Variants in LAMP3 observed in about 807,000 individuals in gnomAD.
The protein encoded by LAMP3 is lysosome-associated membrane glycoprotein 3.
A neutral mutation model predicts 34.8 loss-of-function variants in LAMP3; 26 were observed. That is an observed-to-expected ratio of 0.75 (90% CI 0.55 to 1.04). The LOEUF is 1.04. LAMP3 is among the 50% of genes least tolerant of loss of function. The pLI is 0.00. For missense variants in LAMP3, 495 were observed against 524.0 expected (o/e 0.94, Z 0.54); for synonymous variants, 180 against 201.9 (o/e 0.89, Z 0.92).
intron 5 of LAMP3, among the ~76,000 whole-genome samples, chr3:183,130,489 T>G (rs1323623018): frequency 6.6e-6 from 1 of 152,178 alleles, no homozygotes; most frequent in African/African-American, 2.4e-5. Flanking sequence ...TTTCAAACTA[T>G]TCTTATTTTG....
intron 3 of LAMP3, among the ~76,000 whole-genome samples, chr3:183,146,685 G>A (rs191853345): frequency 9.9e-5 from 15 of 151,818 alleles, no homozygotes; most frequent in Admixed American, 6.6e-4. Flanking sequence ...GCGCCACCAC[G>A]TCCAGCTAAT....
At chr3:183,135,420 G>A (rs557047515) in intron 5 of LAMP3, among the ~76,000 whole-genome samples, 1 of 152,336 alleles carries the variant, frequency 6.6e-6, no homozygotes, top group East Asian at 1.9e-4. Flanking sequence ...GACATAAAGG[G>A]AAGTCGCAGG....
chr3:183,145,789 A>G (rs1014810268), intron 3 of LAMP3, among the ~76,000 whole-genome samples: 1 of 152,182 alleles, frequency 6.6e-6, no homozygotes, highest in African/African-American at 2.4e-5. Context: ...CCCAGGAGGC[A>G]GAGTTTGCAG....
intron 5 of LAMP3, among the ~76,000 whole-genome samples, chr3:183,130,606 T>C (rs1373789331): frequency 2.0e-5 from 3 of 152,224 alleles, no homozygotes; most frequent in Non-Finnish European, 2.9e-5. Context: ...GGGTGAATTA[T>C]GGTCTTTCTT....
chr3:183,146,850 G>C (rs1332535793), intron 3 of LAMP3, among the ~76,000 whole-genome samples: 1 of 150,850 alleles, frequency 6.6e-6, no homozygotes. Flanking sequence ...AAAATGTGTT[G>C]CCAACATTAA....
intron 3 of LAMP3, among the ~76,000 whole-genome samples, chr3:183,142,275 G>A (rs530491536): frequency 1.3e-5 from 2 of 152,164 alleles, no homozygotes; most frequent in South Asian, 4.2e-4. Flanking sequence ...TTTTAAGCAG[G>A]GCAGTGACAT....
chr3:183,161,873 G>T (rs1417239838), intron 1 of LAMP3: 3 of 659,502 alleles, frequency 4.5e-6, no homozygotes, highest in East Asian at 1.4e-4. Flanking sequence ...AAAGTGTGGC[G>T]CAGGGGAGAA....
At chr3:183,148,868 T>C (rs539656485) in intron 3 of LAMP3, among the ~76,000 whole-genome samples, 3 of 152,174 alleles carry the variant, frequency 2.0e-5, no homozygotes, top group Non-Finnish European at 4.4e-5. Context: ...AGAAAATCAG[T>C]ATATCGAAGC....
At chr3:183,135,574 G>T in intron 5 of LAMP3, 143 bp downstream of exon 5, 1 of 793,144 alleles carries the variant, frequency 1.3e-6, no homozygotes, top group Non-Finnish European at 2.1e-6. Flanking sequence ...GAGGAGCCTG[G>T]CCCTGTGAGC....
chr3:183,160,500 A>G (rs1462672530), intron 1 of LAMP3, among the ~76,000 whole-genome samples: 2 of 152,130 alleles, frequency 1.3e-5, no homozygotes, highest in Non-Finnish European at 2.9e-5. Context: ...AAGTGCTGGG[A>G]TTACAGGTGT....
At chr3:183,142,710 C>T (rs1431230509) in intron 3 of LAMP3, among the ~76,000 whole-genome samples, 1 of 152,136 alleles carries the variant, frequency 6.6e-6, no homozygotes, top group Non-Finnish European at 1.5e-5. Context: ...CTTTCACATT[C>T]CCTGAAATGC....
chr3:183,154,001 G>A lies in LAMP3; in HGVS notation c.440C>T (p.Thr147Ile). 1 of 1,614,186 alleles carries A rather than the reference G, an allele frequency of 6.2e-7. No homozygotes were observed. The highest frequency in any genetic ancestry group is 8.5e-7 in the Non-Finnish European group (1 of 1,180,032). ...TITPPAHTTG[T>I]SSSTVSHTTG... ...TGTGTGGCTGACGGTTGATGAACTG[G>A]TTCCAGTTGTATGAGCTGGTGGGGT... is the stretch of plus-strand genomic sequence containing the variant. The change falls in exon 2 of 6, where the codon ACC becomes ATC. Residue 147 changes from threonine (T) to isoleucine (I), a missense_variant. Coordinates refer to ENST00000265598, the MANE Select transcript of LAMP3 (RefSeq NM_014398.4).
intron 1 of LAMP3, among the ~76,000 whole-genome samples, chr3:183,155,812 C>T (rs1401455404): frequency 6.6e-6 from 1 of 151,976 alleles, no homozygotes; most frequent in African/African-American, 2.4e-5. Flanking sequence ...AAATATGGGT[C>T]GAACGAAAAA....
chr3:183,144,461 G>A (rs1018890400), intron 3 of LAMP3, among the ~76,000 whole-genome samples: 5 of 151,982 alleles, frequency 3.3e-5, no homozygotes, highest in Non-Finnish European at 7.4e-5. Flanking sequence ...GGGGAAGGGG[G>A]AATTTCACAG....
At chr3:183,135,584 C>A in intron 5 of LAMP3, 133 bp downstream of exon 5, 5 of 856,626 alleles carry the variant, frequency 5.8e-6, no homozygotes, top group Non-Finnish European at 9.3e-6. Context: ...GCCCTGTGAG[C>A]TATGTGGAAT....
chr3:183,152,544 GA>G, intron 2 of LAMP3, 41 bp from the exon 3 acceptor site: 1 of 1,559,364 alleles, frequency 6.4e-7, no homozygotes. Flanking sequence ...AGATGTAGAG[GA>G]AAACTCTAGC....
At chr3:183,154,428 C>T in intron 1 of LAMP3, 37 bp from the exon 2 acceptor site, 2 of 1,464,270 alleles carry the variant, frequency 1.4e-6, no homozygotes, top group South Asian at 2.6e-5. Context: ...AAAACACTAA[C>T]CGATTGCTTA....
chr3:183,155,934 C>T (rs534371786), intron 1 of LAMP3, among the ~76,000 whole-genome samples: 3 of 152,342 alleles, frequency 2.0e-5, no homozygotes, highest in South Asian at 2.1e-4. Context: ...AGCACACAGA[C>T]GGTGTCTACT....
At chr3:183,154,459 C>A in intron 1 of LAMP3, 68 bp from the exon 2 acceptor site, 2 of 1,194,966 alleles carry the variant, frequency 1.7e-6, no homozygotes, top group Non-Finnish European at 2.4e-6. Flanking sequence ...TCTCCCATCC[C>A]CATCTTAATG....
Sources: gnomAD v4.1 joint callset for allele counts (sites outside exome capture counted in the v4.1 genomes callset) on GRCh38, gnomAD v4.1.1 for gene constraint, MANE v1.5 for transcripts, NCBI Gene and HGNC (gene_info 2026-07-23, HGNC 2026-07-21) for gene names.